Variants in EIF4E observed in about 807,000 individuals in gnomAD.
EIF4E encodes eukaryotic translation initiation factor 4E.
For synonymous variants in EIF4E, 71 were observed against 88.5 expected, an observed-to-expected ratio of 0.80 and a Z score of 1.11; for missense variants, 113 against 265.6, an observed-to-expected ratio of 0.43 and a Z score of 3.99.
chr4:98,892,441 G>A (rs1393032979), intron 2 of EIF4E, among the ~76,000 whole-genome samples: 2 of 151,958 alleles, frequency 1.3e-5, no homozygotes, highest in Non-Finnish European at 2.9e-5. Flanking sequence ...CACTTTGGGA[G>A]GCTGAGGTGG....
chr4:98,918,236 C>T (rs749783710), intron 1 of EIF4E, among the ~76,000 whole-genome samples: 2 of 150,296 alleles, frequency 1.3e-5, no homozygotes, highest in African/African-American at 2.5e-5. Flanking sequence ...TGGTGGTGGA[C>T]GCCTGTAATC....
intron 1 of EIF4E, among the ~76,000 whole-genome samples, chr4:98,907,843 C>T (rs1209067428): frequency 6.6e-6 from 1 of 151,998 alleles, no homozygotes; most frequent in African/African-American, 2.4e-5. Context: ...ATCAACAATC[C>T]AAGAGTTTGG....
At chr4:98,910,623 G>T (rs1725083152) in intron 1 of EIF4E, among the ~76,000 whole-genome samples, 1 of 151,826 alleles carries the variant, frequency 6.6e-6, no homozygotes, top group African/African-American at 2.4e-5. Context: ...TTACATTTCT[G>T]GATACTCAGC....
intron 2 of EIF4E, among the ~76,000 whole-genome samples, chr4:98,896,194 C>G (rs1267329400): frequency 7.6e-6 from 1 of 132,254 alleles, no homozygotes; most frequent in Non-Finnish European, 1.5e-5. Context: ...GGCTCCATCT[C>G]CAATAAAATA....
chr4:98,891,513 TAAAACATGAGGGG>T (rs1724141945), intron 2 of EIF4E, 181 bp from the exon 3 acceptor site: 1 of 620,626 alleles, frequency 1.6e-6, no homozygotes, highest in Non-Finnish European at 2.8e-6. Flanking sequence ...TAACACTTCA[TAAAACATGAGGGG>T]AAGCTAAGGA....
chr4:98,923,157 C>A (rs113331958), intron 1 of EIF4E, among the ~76,000 whole-genome samples: 3,356 of 151,174 alleles, frequency 0.022, 49 homozygotes, highest in African/African-American at 0.031. Flanking sequence ...GGCCCATTTT[C>A]CTACTGTTTC....
chr4:98,909,751 C>T (rs1467555271), intron 1 of EIF4E: 2 of 704,326 alleles, frequency 2.8e-6, no homozygotes, highest in Non-Finnish European at 2.6e-6. Flanking sequence ...CATTTTTTTT[C>T]TTTCCTTCTT....
chr4:98,919,175 C>T (rs28473608), intron 1 of EIF4E, among the ~76,000 whole-genome samples: 25,784 of 151,786 alleles, frequency 0.17, 2,627 homozygotes, highest in African/African-American at 0.29. Flanking sequence ...GCAGTGGTGG[C>T]GCACACCTGT....
At chr4:98,925,372 CAAAG>C (rs1725824250) in intron 1 of EIF4E, among the ~76,000 whole-genome samples, 1 of 152,158 alleles carries the variant, frequency 6.6e-6, no homozygotes, top group African/African-American at 2.4e-5. Flanking sequence ...GATAAAGCTA[CAAAG>C]AAACACGACC....
At chr4:98,892,350 A>C (rs1045210404) in intron 2 of EIF4E, among the ~76,000 whole-genome samples, 2 of 149,334 alleles carry the variant, frequency 1.3e-5, no homozygotes, top group African/African-American at 4.9e-5. Context: ...CAAAAAAAAA[A>C]AACAAAAAAA....
intron 1 of EIF4E, among the ~76,000 whole-genome samples, chr4:98,915,739 G>A (rs1725349422): frequency 1.3e-5 from 2 of 150,418 alleles, no homozygotes; most frequent in South Asian, 2.1e-4. Flanking sequence ...ATGGGGTTTC[G>A]CCATGTTGGC....
At chr4:98,903,732 T>C (rs1724748074) in intron 1 of EIF4E, among the ~76,000 whole-genome samples, 1 of 152,222 alleles carries the variant, frequency 6.6e-6, no homozygotes, top group Non-Finnish European at 1.5e-5. Flanking sequence ...AACAGGAACT[T>C]ATTAACTTGA....
intron 1 of EIF4E, among the ~76,000 whole-genome samples, chr4:98,911,585 CG>C (rs1725137853): frequency 7.1e-6 from 1 of 141,080 alleles, no homozygotes; most frequent in South Asian, 2.3e-4. Flanking sequence ...CGCTTGAACC[CG>C]GGAGGCAGAG....
intron 1 of EIF4E, among the ~76,000 whole-genome samples, chr4:98,911,875 T>C (rs572084381): frequency 1.3e-5 from 2 of 150,744 alleles, no homozygotes; most frequent in South Asian, 4.2e-4. Context: ...ATGTGTGATC[T>C]AGGATGACAA....
intron 1 of EIF4E, among the ~76,000 whole-genome samples, chr4:98,915,143 G>A (rs912730768): frequency 6.6e-6 from 1 of 152,036 alleles, no homozygotes; most frequent in Non-Finnish European, 1.5e-5. Context: ...TAGAGACAGG[G>A]TTTCATCATG....
At chr4:98,884,775 C>A in intron 6 of EIF4E, 147 bp downstream of exon 6, 1 of 1,018,452 alleles carries the variant, frequency 9.8e-7, no homozygotes, top group Non-Finnish European at 1.5e-6. Context: ...ACCAATTGAG[C>A]CGTTCAAAAT....
chr4:98,907,548 T>A (rs899980994), intron 1 of EIF4E, among the ~76,000 whole-genome samples: 1 of 152,206 alleles, frequency 6.6e-6, no homozygotes, highest in Non-Finnish European at 1.5e-5. Flanking sequence ...TCTGTATATA[T>A]CAGGCTCTGA....
chr4:98,918,168 G>A (rs1725468182), intron 1 of EIF4E, among the ~76,000 whole-genome samples: 1 of 151,884 alleles, frequency 6.6e-6, no homozygotes, highest in South Asian at 2.1e-4. Flanking sequence ...TTTGAGACCA[G>A]CCTGGCCAAC....
At chr4:98,921,650 A>AT (rs1725648860) in intron 1 of EIF4E, among the ~76,000 whole-genome samples, 1 of 152,232 alleles carries the variant, frequency 6.6e-6, no homozygotes, top group Admixed American at 6.5e-5. Flanking sequence ...TACACCAAGA[A>AT]ACACGTATGT....
Sources: allele counts gnomAD v4.1 joint callset (sites outside exome capture counted in the v4.1 genomes callset), GRCh38; gene constraint gnomAD v4.1.1; transcripts MANE v1.5; gene names NCBI Gene and HGNC (gene_info 2026-07-23, HGNC 2026-07-21).